CRYM: variants seen among roughly 807,000 people sequenced by gnomAD.
The protein encoded by CRYM is ketimine reductase mu-crystallin.
Under a neutral mutation model 32.9 loss-of-function variants are expected in CRYM, and 18 were observed. The ratio of observed to expected loss-of-function variants is 0.55; its 90% CI spans 0.38 to 0.81. The LOEUF (loss-of-function observed/expected upper bound fraction) is 0.81. CRYM is among the 30% of genes least tolerant of loss of function. CRYM has a pLI of 0.00. For missense variants in CRYM, 337 were observed against 393.5 expected (o/e 0.86, Z 1.21); for synonymous variants, 153 against 152.4 (o/e 1.00, Z -0.03).
chr16:21,285,390 A>C (rs2093405732), intron 1 of CRYM, among the ~76,000 whole-genome samples: 1 of 152,210 alleles, frequency 6.6e-6, no homozygotes, highest in Non-Finnish European at 1.5e-5. Flanking sequence ...GAATTGGGTT[A>C]ATTTCTCTCT....
intron 5 of CRYM, among the ~76,000 whole-genome samples, chr16:21,267,179 C>T (rs1479217576): frequency 2.0e-5 from 3 of 151,898 alleles, no homozygotes; most frequent in African/African-American, 7.2e-5. Flanking sequence ...CTCACTGCAA[C>T]CTCTGCCTCC....
Position 21,288,832 on chromosome 16 carries a change from A to G in CRYM, c.-192-9872T>C, listed in dbSNP as rs1960539699. 3.9e-5 allele frequency among the ~76,000 whole-genome samples: 6 copies of G among 152,038 alleles called. No individual in the cohort carries two copies. In the South Asian group the frequency reaches 1.2e-3, roughly 32 times the overall value. On this transcript the variant is annotated intron_variant, in intron 1 of 9. Coordinates refer to the CRYM transcript ENST00000219599. ...AAAGTATTTTCTAATTTCCCTTATG[A>G]TTTTTTATCTGACTCATTTGTTGCT...
chr16:21,262,134 C>A lies in CRYM; in HGVS notation c.698G>T (p.Trp233Leu). The A allele has an allele frequency of 6.2e-7, 1 of 1,614,120 alleles. No homozygotes were observed. Among genetic ancestry groups the A allele is most frequent in the Non-Finnish European group, 8.5e-7 (1 of 1,179,992 alleles). The change falls in exon 6 of 8, where the codon TGG (tryptophan) becomes TTG (leucine). Residue 233 changes from tryptophan to leucine, a missense_variant. By Grantham distance (61) the Trp-to-Leu change is moderately conservative (BLOSUM62 -2). Transcript: ENST00000572914. ...INAVGASRPD[W>L]RELDDELMKE... Reference sequence around the variant, plus strand: ...CATGAGCTCATCATCCAGTTCTCTCCAGTCAGGTCTGCTGGCTCCAACAGC... The same window carrying A: ...CATGAGCTCATCATCCAGTTCTCTCAAGTCAGGTCTGCTGGCTCCAACAGC...
chr16:21,262,550 C>T (rs1466276039), intron 5 of CRYM, among the ~76,000 whole-genome samples: 4 of 151,986 alleles, frequency 2.6e-5, no homozygotes, highest in Admixed American at 6.6e-5. Context: ...ACCTGGGAGG[C>T]GGAGGTTGCA....
intron 5 of CRYM, among the ~76,000 whole-genome samples, chr16:21,266,686 T>C (rs2093364355): frequency 6.6e-6 from 1 of 152,210 alleles, no homozygotes; most frequent in Non-Finnish European, 1.5e-5. Flanking sequence ...AATTGAGCTG[T>C]GAATTACCAT....
rs2093384611 is a variant in CRYM at position 21,275,562 on chromosome 16, T to A, written c.357A>T (p.Arg119Ser). ...VMDGNVITAKRTAAVSAIATK... is the reference protein window; with the variant it reads ...VMDGNVITAKSTAAVSAIATK... ...TGGCAATGGCAGAAACTGCAGCTGT[T>A]CTCTTTGCAGTTATGACATTTCCAT... Residue 119 changes from arginine (R) to serine (S), a missense_variant, in exon 3 of 8, where the codon AGA becomes AGT. By Grantham distance (110) the Arg-to-Ser change is moderately radical. Transcript: ENST00000572914. 2 of 1,613,956 alleles carry A rather than the reference T, an allele frequency of 1.2e-6. No individual in the cohort carries two copies.
intron 1 of CRYM, among the ~76,000 whole-genome samples, chr16:21,294,035 G>C (rs904081943): frequency 5.9e-5 from 9 of 152,156 alleles, no homozygotes; most frequent in African/African-American, 2.2e-4. Flanking sequence ...GGTAGAATAC[G>C]CATAACTTCT....
At chr16:21,289,684 T>A (rs1960569908) in intron 1 of CRYM, among the ~76,000 whole-genome samples, 1 of 152,130 alleles carries the variant, frequency 6.6e-6, no homozygotes, top group Non-Finnish European at 1.5e-5. Context: ...TGACACCCTC[T>A]CTTCTGTCAA....
chr16:21,273,929 A>G (rs2093381016), intron 3 of CRYM, among the ~76,000 whole-genome samples: 2 of 152,202 alleles, frequency 1.3e-5, no homozygotes, highest in Non-Finnish European at 2.9e-5. Context: ...AAACCAGTTC[A>G]TTGAGGTGGG....
At chr16:21,288,710 TATTTGA>T (rs1349745572) in intron 1 of CRYM, among the ~76,000 whole-genome samples, 1 of 152,212 alleles carries the variant, frequency 6.6e-6, no homozygotes, top group African/African-American at 2.4e-5. Context: ...CTAGATTATT[TATTTGA>T]AATAGTTTTA....
chr16:21,300,634 T>TC (rs1960889786), intron 1 of CRYM: 1 of 152,266 alleles, frequency 6.6e-6, no homozygotes, highest in Admixed American at 6.5e-5. Context: ...TTGGCTCCTT[T>TC]CCCAGTTTGG....
intron 3 of CRYM, among the ~76,000 whole-genome samples, chr16:21,273,629 T>C (rs1385953697): frequency 6.6e-6 from 1 of 152,216 alleles, no homozygotes; most frequent in East Asian, 1.9e-4. Context: ...TGGAAACTTC[T>C]TATCTGGGAC....
chr16:21,262,318 AAT>A, intron 5 of CRYM, 160 bp from the exon 6 acceptor site: 1 of 824,866 alleles, frequency 1.2e-6, no homozygotes, highest in Non-Finnish European at 2.0e-6. Context: ...AGTAGGACGA[AAT>A]ACTTATTAAG....
chr16:21,300,983 C>G (rs1324775068), intron 1 of CRYM: 1 of 148,696 alleles, frequency 6.7e-6, no homozygotes, highest in African/African-American at 2.5e-5. Flanking sequence ...GCTGGGCGTC[C>G]CACGCGCAGA....
chr16:21,290,249 C>T (rs1027306868), intron 1 of CRYM, among the ~76,000 whole-genome samples: 3 of 152,210 alleles, frequency 2.0e-5, no homozygotes, highest in Admixed American at 2.0e-4. Flanking sequence ...CCTTTGTGAA[C>T]TGTAACACTA....
At chr16:21,268,151 C>T (rs1392594280) in intron 4 of CRYM, among the ~76,000 whole-genome samples, 2 of 152,172 alleles carry the variant, frequency 1.3e-5, no homozygotes, top group Non-Finnish European at 2.9e-5. Context: ...TTAGTTTCCA[C>T]ATCTGTAAAA....
At chr16:21,270,714 T>G (rs1382741087) in intron 3 of CRYM, among the ~76,000 whole-genome samples, 1 of 152,208 alleles carries the variant, frequency 6.6e-6, no homozygotes, top group Non-Finnish European at 1.5e-5. Context: ...CTGAGCTGCT[T>G]CTAAGAGCTG....
At chr16:21,278,883 A>T (rs1326049435), upstream of CRYM, 1 of 152,302 alleles carries the variant, frequency 6.6e-6, no homozygotes, top group Non-Finnish European at 1.5e-5. Context: ...AAAGGGGGGA[A>T]GTTTGCAGGG....
chr16:21,278,305 C>G (rs3848259), upstream of CRYM: 343,842 of 1,541,064 alleles, frequency 0.22, 42,038 homozygotes, highest in Non-Finnish European at 0.25. Context: ...CACGTACCCT[C>G]GGCTGTGCCC....
Sources: allele counts gnomAD v4.1 joint callset (sites outside exome capture counted in the v4.1 genomes callset), GRCh38; gene constraint gnomAD v4.1.1; transcripts MANE v1.5; gene names NCBI Gene and HGNC (gene_info 2026-07-23, HGNC 2026-07-21).